HELB: variants seen among roughly 807,000 people sequenced by gnomAD.
HELB encodes DNA helicase B, also known as DNA 5'-3' helicase B.
HELB carries 96 observed loss-of-function variants against 101.7 expected under a neutral mutation model. The observed-to-expected ratio is 0.94, with a 90% confidence interval of 0.80 to 1.12. The LOEUF (loss-of-function observed/expected upper bound fraction) is 1.12. Ranked by LOEUF, HELB falls within the 50% of genes most tolerant of loss-of-function variation. HELB has a pLI of 0.00. For missense variants in HELB, 1,210 were observed against 1,291.9 expected (o/e 0.94, Z 0.97); for synonymous variants, 437 against 459.7 (o/e 0.95, Z 0.63).
At position 66,331,175 on chromosome 12, in the gene HELB, G is replaced by T. The variant is rs1388775892; in HGVS notation, c.2692G>T (p.Val898Phe). The change falls in exon 12 of 13, where the codon GTC becomes TTC. Residue 898 changes from valine (V) to phenylalanine (F), a missense_variant. Physicochemically the swap from Val to Phe is conservative, Grantham distance 50. Coordinates refer to ENST00000247815, the MANE Select transcript of HELB (RefSeq NM_001370285.1). The part of the protein sequence containing the change: ...TFQGSEEQTV[V>F]YVVGKAGRQH... Reference sequence around the variant, plus strand: ...CCAGGGGTCCGAGGAGCAAACAGTTGTCTATGTGGTGGGGAAGGCGGGCCG... The same window carrying T: ...CCAGGGGTCCGAGGAGCAAACAGTTTTCTATGTGGTGGGGAAGGCGGGCCG... 7 of 1,609,492 alleles carry T rather than the reference G, an allele frequency of 4.3e-6. No homozygotes were observed. The Admixed American group carries it at 1.2e-4, about 27-fold the overall frequency.
chr12:66,306,093 CAA>C (rs771447469), intron 2 of HELB, among the ~76,000 whole-genome samples: 4 of 152,066 alleles, frequency 2.6e-5, no homozygotes, highest in Non-Finnish European at 4.4e-5. Context: ...CAGTAGGAAA[CAA>C]AAGGCTAAGA....
In HELB at chr12:66,331,497, C is replaced by A. The variant is rs781585272; in HGVS notation, c.3014C>A (p.Ser1005Ter). Residue 1005 changes from serine to a stop codon, truncating the protein, a stop_gained, in exon 12 of 13, where the codon TCG becomes TAG. Transcript: ENST00000247815. LOFTEE classifies it high-confidence loss of function. ...TNDVTWSEAS[S>*]PDERTLTFAE... ...GATGTCACCTGGAGCGAGGCCTCTT[C>A]GCCTGATGAGAGGACACTCACCTTT... 5.0e-6 allele frequency: 8 copies of A among 1,614,164 alleles called. No homozygotes were observed. In the South Asian group the frequency reaches 8.8e-5, roughly 18 times the overall value.
intron 4 of HELB, 59 bp downstream of exon 4, chr12:66,310,667 C>T (rs2053533838): frequency 2.0e-6 from 3 of 1,490,108 alleles, no homozygotes; most frequent in Non-Finnish European, 1.8e-6. Context: ...CACAGTGGCT[C>T]ACGCCTGTAA....
At chr12:66,312,965 A>C (rs2053560777) in intron 4 of HELB, among the ~76,000 whole-genome samples, 2 of 152,206 alleles carry the variant, frequency 1.3e-5, no homozygotes, top group Admixed American at 1.3e-4. Context: ...TGGAGTCATC[A>C]AGTTGCTGAT....
intron 12 of HELB, among the ~76,000 whole-genome samples, chr12:66,335,867 CCT>C (rs1009559097): frequency 1.1e-4 from 16 of 152,134 alleles, no homozygotes; most frequent in African/African-American, 3.9e-4. Flanking sequence ...CTCATGCCAT[CCT>C]CTCTCTCTTC....
chr12:66,333,900 CT>C (rs948914481), intron 12 of HELB, among the ~76,000 whole-genome samples: 5 of 152,086 alleles, frequency 3.3e-5, no homozygotes, highest in African/African-American at 1.2e-4. Flanking sequence ...TGGCTCATAC[CT>C]GTAATCCCAG....
intron 3 of HELB, among the ~76,000 whole-genome samples, chr12:66,308,950 G>A (rs1225521050): frequency 6.6e-6 from 1 of 152,158 alleles, no homozygotes; most frequent in African/African-American, 2.4e-5. Flanking sequence ...AAATGGAGCC[G>A]ATAGATGACG....
intron 5 of HELB, 63 bp from the exon 6 acceptor site, chr12:66,315,179 A>T: frequency 8.1e-7 from 1 of 1,234,968 alleles, no homozygotes; most frequent in Non-Finnish European, 1.1e-6. Context: ...AAATAATTTT[A>T]AACAATCTTG....
In HELB at chr12:66,315,248, T is replaced by A. The variant is rs1237252180; in HGVS notation, c.1865T>A (p.Ile622Asn). 1 of 1,591,140 alleles carries A rather than the reference T, an allele frequency of 6.3e-7. No individual in the cohort carries two copies. The highest frequency in any genetic ancestry group is 2.3e-5 in the East Asian group (1 of 44,198). The change falls in exon 6 of 13, where the codon ATT (isoleucine) becomes AAT (asparagine). Residue 622 changes from isoleucine to asparagine, a missense_variant. Around this residue, in one of 2 missense-constraint regions of HELB, gnomAD observed 740 missense variants for 728.8 expected, o/e 1.02. Transcript: ENST00000247815. Reference protein sequence around the residue: ...KLSKLIILGDIRQLPSIEPGN... With the variant: ...KLSKLIILGDNRQLPSIEPGN... ...GTATCTTTTTTTCTTTTAGGTGACATTAGACAGTTACCCAGTATTGAACCT... is the reference window on the plus strand; with the variant it reads ...GTATCTTTTTTTCTTTTAGGTGACAATAGACAGTTACCCAGTATTGAACCT...
intron 3 of HELB, among the ~76,000 whole-genome samples, chr12:66,306,912 C>T (rs2053483522): frequency 6.6e-6 from 1 of 152,184 alleles, no homozygotes; most frequent in Non-Finnish European, 1.5e-5. Flanking sequence ...ACTCAATTTC[C>T]CACTTCCAGT....
intron 5 of HELB, among the ~76,000 whole-genome samples, chr12:66,315,018 A>T (rs1233716417): frequency 1.3e-5 from 2 of 151,782 alleles, no homozygotes; most frequent in African/African-American, 4.8e-5. Flanking sequence ...TAATATGTTG[A>T]CTAAAACATA....
At chr12:66,333,953 A>G (rs2053837426) in intron 12 of HELB, among the ~76,000 whole-genome samples, 1 of 152,122 alleles carries the variant, frequency 6.6e-6, no homozygotes, top group Admixed American at 6.5e-5. Context: ...TGAGCCCAGG[A>G]GTTTGAGACC....
At chr12:66,317,311 A>G (rs114742388) in intron 6 of HELB, among the ~76,000 whole-genome samples, 367 of 152,346 alleles carry the variant, frequency 2.4e-3, no homozygotes, top group African/African-American at 8.4e-3. Context: ...AGCTTGAACT[A>G]GAATTTTCAA....
intron 8 of HELB, 132 bp from the exon 9 acceptor site, chr12:66,322,592 T>C (rs1330292064): frequency 1.6e-5 from 8 of 492,384 alleles, no homozygotes; most frequent in Non-Finnish European, 2.5e-5. Context: ...AGATAAAAAG[T>C]AGAAAAATAC....
At chr12:66,321,712 C>T (rs1033518056) in intron 7 of HELB, 4 of 421,708 alleles carry the variant, frequency 9.5e-6, no homozygotes, top group African/African-American at 6.2e-5. Flanking sequence ...CTGTCCTGGC[C>T]AGGGGTTGAC....
intron 12 of HELB, among the ~76,000 whole-genome samples, chr12:66,332,925 G>C (rs561958049): frequency 1.3e-5 from 2 of 151,980 alleles, no homozygotes; most frequent in African/African-American, 2.4e-5. Context: ...TGTCAAGCTA[G>C]TGTCTTCAAC....
At chr12:66,335,242 G>C (rs1422432296) in intron 12 of HELB, among the ~76,000 whole-genome samples, 1 of 152,180 alleles carries the variant, frequency 6.6e-6, no homozygotes, top group African/African-American at 2.4e-5. Context: ...GGCCCACTTG[G>C]GAATCATTGG....
chr12:66,323,119 G>C (rs1387085412), intron 9 of HELB, among the ~76,000 whole-genome samples: 1 of 152,086 alleles, frequency 6.6e-6, no homozygotes, highest in East Asian at 1.9e-4. Context: ...CTTAGCAACA[G>C]GGTGCCTGCA....
chr12:66,306,751 G>GA (rs113172942), intron 3 of HELB, among the ~76,000 whole-genome samples: 6 of 151,936 alleles, frequency 3.9e-5, no homozygotes, highest in East Asian at 1.9e-4. Context: ...ATTTGTAAAT[G>GA]AAAAAAAATT....
Sources: gnomAD v4.1 joint callset for allele counts (sites outside exome capture counted in the v4.1 genomes callset) on GRCh38, gnomAD v4.1.1 for gene constraint, gnomAD v4.1.1 regional missense constraint, MANE v1.5 for transcripts, NCBI Gene and HGNC (gene_info 2026-07-23, HGNC 2026-07-21) for gene names.